The following RSBN1L variants were observed in gnomAD, a reference collection of about 807,000 sequenced individuals.
The protein encoded by RSBN1L is lysine-specific demethylase RSBN1L.
A neutral mutation model predicts 67.7 loss-of-function variants in RSBN1L; 30 were observed. The ratio of observed to expected loss-of-function variants is 0.44; its 90% CI spans 0.33 to 0.60. The LOEUF is 0.60. Among genes scored for constraint, RSBN1L ranks in the 20% least tolerant of loss-of-function variants. RSBN1L has a pLI of 0.02. For missense variants in RSBN1L, 992 were observed against 1,031.7 expected (o/e 0.96, Z 0.53); for synonymous variants, 433 against 387.0 (o/e 1.12, Z -1.39).
rs61611975 is a variant in RSBN1L at position 77,716,624 on chromosome 7, C to CTTT, written c.586+19593_586+19595dup. 4.5e-4 allele frequency among the ~76,000 whole-genome samples: 34 copies of CTTT among 75,328 alleles called. 4 individuals carry two copies. The highest frequency in any genetic ancestry group is 6.7e-4 in the African/African-American group (13 of 19,514). The allele number at this position is 75,328 out of a possible 152,430, so 49.4% of individuals were successfully genotyped here. A position where few individuals can be genotyped will look rare whatever the true frequency, so the allele number is the denominator to read the frequency against. On this transcript the variant is annotated intron_variant, in intron 1 of 7. Transcript: ENST00000334955. Reference sequence around the variant, plus strand: ...TTAAAAGCTGCATGTGTATCTTCATCTTTTTTTTTTTTTTTTTTTTTTTTT... The same window carrying CTTT: ...TTAAAAGCTGCATGTGTATCTTCATCTTTTTTTTTTTTTTTTTTTTTTTTTTTT...
intron 1 of RSBN1L, among the ~76,000 whole-genome samples, chr7:77,723,116 G>C (rs760402051): frequency 6.6e-6 from 1 of 151,750 alleles, no homozygotes; most frequent in African/African-American, 2.4e-5. Flanking sequence ...ACAGGCATGC[G>C]CCACCTCGCC....
chr7:77,781,972 C>CAAAAAAAAA lies in RSBN1L; in HGVS notation c.*2816_*2824dup, dbSNP rs3084596. ...TGCCCTCCAGCCTGGGCGACAGTCT[C>CAAAAAAAAA]AAAAAAAAAAAAAAAAAAAAGCATA... On this transcript the variant is annotated 3_prime_UTR_variant, in exon 8 of 8. Transcript: ENST00000334955. The CAAAAAAAAA allele has an allele frequency of 1.3e-5, 1 of 78,056 alleles. No homozygotes were observed. The highest frequency in any genetic ancestry group is 2.5e-5 in the Non-Finnish European group (1 of 40,756). 4.8% of individuals were successfully genotyped at this position (78,056 alleles called of 1,614,324 possible).
At chr7:77,702,685 A>G (rs1272221010) in intron 1 of RSBN1L, among the ~76,000 whole-genome samples, 3 of 152,158 alleles carry the variant, frequency 2.0e-5, no homozygotes, top group Non-Finnish European at 4.4e-5. Context: ...ATAAAATACC[A>G]TAGAATGGGT....
At chr7:77,756,695 T>C (rs1791623123) in intron 3 of RSBN1L, among the ~76,000 whole-genome samples, 1 of 152,070 alleles carries the variant, frequency 6.6e-6, no homozygotes, top group South Asian at 2.1e-4. Flanking sequence ...GGAGAATCGC[T>C]TGAATCCAGG....
At position 77,773,148 on chromosome 7, in the gene RSBN1L, A is replaced by G; in HGVS notation, c.1627A>G (p.Thr543Ala). The G allele has an allele frequency of 6.4e-7, 1 of 1,560,436 alleles. No individual in the cohort carries two copies. Among genetic ancestry groups the G allele is most frequent in the Non-Finnish European group, 8.7e-7 (1 of 1,153,412 alleles). ...MPKSPFKRKR[T>A]TNEIKNLQYL... ...TAATTTTCTTTTTTTAAAAAACAGA[A>G]CTACCAATGAAATAAAAAATCTTCA... is the stretch of plus-strand genomic sequence containing the variant. Residue 543 changes from threonine to alanine, a missense_variant and splice_region_variant, in exon 6 of 8, where the codon ACT becomes GCT. This residue lies in a region of RSBN1L where 67 missense variants were observed against 130.5 expected (regional missense o/e 0.51). Transcript: ENST00000334955.
intron 1 of RSBN1L, among the ~76,000 whole-genome samples, chr7:77,722,668 C>A (rs1285496177): frequency 1.3e-5 from 2 of 151,538 alleles, no homozygotes; most frequent in African/African-American, 4.9e-5. Flanking sequence ...ACTGCTTTTC[C>A]TTCTGCTTCA....
chr7:77,749,348 T>C lies in RSBN1L; in HGVS notation c.704-76T>C, dbSNP rs181087100. The C allele has an allele frequency of 1.3e-4, 151 of 1,125,184 alleles. No individual in the cohort carries two copies. The East Asian group carries it at 3.8e-3, about 29-fold the overall frequency. 69.7% of individuals were successfully genotyped at this position (1,125,184 alleles called of 1,614,324 possible). ...AATTTTCAGAAGTAAACTTCTTACT[T>C]AGACAAAACTGTTCCTAAAGCATGG... On this transcript the variant is annotated intron_variant, in intron 2 of 7. Transcript: ENST00000334955.
At position 77,782,409 on chromosome 7, in the gene RSBN1L, C is replaced by T. The variant is rs3814468; in HGVS notation, c.*3241C>T. On this transcript the variant is annotated 3_prime_UTR_variant, in exon 8 of 8. Coordinates refer to ENST00000334955, the MANE Select transcript of RSBN1L (RefSeq NM_198467.3). ...GGAATCTGCTACAGTGCTTCCCCCTCCCTACCCCTCCATTTTGTTTATAAC... is the reference window on the plus strand; with the variant it reads ...GGAATCTGCTACAGTGCTTCCCCCTTCCTACCCCTCCATTTTGTTTATAAC... 1.3e-5 allele frequency: 2 copies of T among 152,118 alleles called. No homozygotes were observed. Among genetic ancestry groups the T allele is most frequent in the Non-Finnish European group, 2.9e-5 (2 of 68,006 alleles). The allele number at this position is 152,118 out of a possible 1,614,324, so 9.4% of individuals were successfully genotyped here. A position where few individuals can be genotyped will look rare whatever the true frequency, so the allele number is the denominator to read the frequency against.
At chr7:77,701,534 G>A (rs933496329) in intron 1 of RSBN1L, among the ~76,000 whole-genome samples, 1 of 151,840 alleles carries the variant, frequency 6.6e-6, no homozygotes, top group Non-Finnish European at 1.5e-5. Context: ...CCAAAAAGTT[G>A]TCTATTCTAC....
chr7:77,779,651 A>G lies in RSBN1L; in HGVS notation c.*483A>G, dbSNP rs2150436207. 6.6e-6 allele frequency: 1 copy of G among 152,150 alleles called. No homozygotes were observed. Among genetic ancestry groups the G allele is most frequent in the African/African-American group, 2.4e-5 (1 of 41,448 alleles). The allele number at this position is 152,150 out of a possible 1,614,324, so 9.4% of individuals were successfully genotyped here. A position where few individuals can be genotyped will look rare whatever the true frequency, so the allele number is the denominator to read the frequency against. Reference sequence around the variant, plus strand: ...CCACTTAATAAAGGTTCATATGTTCATATTAATAAATATGTTTTCTGTTGA... The same window carrying G: ...CCACTTAATAAAGGTTCATATGTTCGTATTAATAAATATGTTTTCTGTTGA... On this transcript the variant is annotated 3_prime_UTR_variant, in exon 8 of 8. Transcript: ENST00000334955.
At chr7:77,699,692 C>T (rs936334022) in intron 1 of RSBN1L, among the ~76,000 whole-genome samples, 22 of 152,196 alleles carry the variant, frequency 1.4e-4, no homozygotes, top group African/African-American at 5.3e-4. Context: ...CTCACAATCT[C>T]TAAGGCCATC....
intron 1 of RSBN1L, among the ~76,000 whole-genome samples, chr7:77,714,143 T>A (rs1423453673): frequency 1.3e-5 from 2 of 152,256 alleles, no homozygotes; most frequent in East Asian, 3.8e-4. Flanking sequence ...CTCATTACTC[T>A]ATCTTTAGGA....
At chr7:77,706,962 A>G (rs1584273959) in intron 1 of RSBN1L, among the ~76,000 whole-genome samples, 1 of 152,072 alleles carries the variant, frequency 6.6e-6, no homozygotes, top group East Asian at 1.9e-4. Context: ...CTATTCCATA[A>G]TGTCCTCTCT....
Position 77,736,503 on chromosome 7 carries a change from G to A in RSBN1L, c.680G>A (p.Gly227Glu). 2.3e-6 allele frequency: 3 copies of A among 1,308,288 alleles called. No individual in the cohort carries two copies. The highest frequency in any genetic ancestry group is 3.1e-6 in the Non-Finnish European group (3 of 959,838). 81.0% of individuals were successfully genotyped at this position (1,308,288 alleles called of 1,614,324 possible). ...KVMNEIKKEN[G>E]EVKILLKSGK... The stretch of plus-strand genomic sequence containing the variant: ...ATGAATGAGATCAAGAAAGAGAATG[G>A]AGAAGTAAAGATTTTGCTGAAAAGT... Residue 227 changes from glycine (G) to glutamate (E), a missense_variant, in exon 2 of 8, where the codon GGA becomes GAA. Physicochemically the swap from Gly to Glu is moderately conservative, Grantham distance 98. This residue lies in a region of RSBN1L where 575 missense variants were observed against 483.2 expected (regional missense o/e 1.19). Transcript: ENST00000334955.
Position 77,696,962 on chromosome 7 carries a change from G to C in RSBN1L, c.493G>C (p.Glu165Gln), listed in dbSNP as rs147130996. Residue 165 changes from glutamate (E) to glutamine (Q), a missense_variant, in exon 1 of 8, where the codon GAG becomes CAG. Transcript: ENST00000334955. ...GTCGCGCAGACCTAAGGAGAAGCGG[G>C]AGAAGGAGAGGAGGAGGCACGGTCT... is the stretch of plus-strand genomic sequence containing the variant. ...AKSRRPKEKR[E>Q]KERRRHGLGG... 62 of 1,576,808 alleles carry C rather than the reference G, an allele frequency of 3.9e-5. No homozygotes were observed. Among genetic ancestry groups the C allele is most frequent in the Non-Finnish European group, 5.0e-5 (58 of 1,169,286 alleles).
At chr7:77,750,238 A>G (rs192709000) in intron 3 of RSBN1L, among the ~76,000 whole-genome samples, 174 bp downstream of exon 3, 18 of 149,228 alleles carry the variant, frequency 1.2e-4, no homozygotes, top group Non-Finnish European at 2.1e-4. Context: ...TTAAAATTCA[A>G]TTTTCACTTA....
chr7:77,771,880 C>T (rs1791854543), intron 5 of RSBN1L, among the ~76,000 whole-genome samples: 1 of 151,750 alleles, frequency 6.6e-6, no homozygotes, highest in Admixed American at 6.6e-5. Flanking sequence ...CTGAAAGTCT[C>T]TTCTCAGAAC....
intron 1 of RSBN1L, among the ~76,000 whole-genome samples, chr7:77,707,068 G>C (rs1164964070): frequency 6.8e-6 from 1 of 146,560 alleles, no homozygotes; most frequent in Non-Finnish European, 1.5e-5. Context: ...CTGTCACCCA[G>C]GCTGGAGTGC....
chr7:77,736,139 A>C (rs1320257310), intron 1 of RSBN1L, among the ~76,000 whole-genome samples: 1 of 152,136 alleles, frequency 6.6e-6, no homozygotes, highest in Non-Finnish European at 1.5e-5. Flanking sequence ...AAGTGATTTG[A>C]AATAAATTTA....
Sources: gnomAD v4.1 joint callset for allele counts (sites outside exome capture counted in the v4.1 genomes callset) on GRCh38, gnomAD v4.1.1 for gene constraint, gnomAD v4.1.1 regional missense constraint, MANE v1.5 for transcripts, NCBI Gene and HGNC (gene_info 2026-07-23, HGNC 2026-07-21) for gene names.